The following PROM1 variants were observed in gnomAD, a reference collection of about 807,000 sequenced individuals.
The protein encoded by PROM1 is prominin-1.
Under a neutral mutation model 116.9 loss-of-function variants are expected in PROM1, and 105 were observed. The observed-to-expected ratio is 0.90, with a 90% CI of 0.77 to 1.06. The LOEUF is 1.06. PROM1 is among the 50% of genes least tolerant of loss of function. PROM1 has a pLI of 0.00. For missense variants in PROM1, 1,122 were observed against 1,045.2 expected, an observed-to-expected ratio of 1.07 and a Z score of -1.01; for synonymous variants, 393 against 387.0, an observed-to-expected ratio of 1.02 and a Z score of -0.18.
chr4:16,051,617 T>A (rs1204531995), intron 2 of PROM1, among the ~76,000 whole-genome samples: 1 of 152,192 alleles, frequency 6.6e-6, no homozygotes, highest in African/African-American at 2.4e-5. Flanking sequence ...TAAGGCCTCA[T>A]CAGGATGTGC....
chr4:16,078,100 C>T (rs1020173931), intron 1 of PROM1: 1 of 152,244 alleles, frequency 6.6e-6, no homozygotes, highest in African/African-American at 2.4e-5. Context: ...CTCTTACCTA[C>T]CCCTTGGGAG....
intron 13 of PROM1, among the ~76,000 whole-genome samples, chr4:16,003,529 A>G (rs1392542568): frequency 1.3e-5 from 2 of 152,180 alleles, no homozygotes; most frequent in African/African-American, 4.8e-5. Flanking sequence ...CTAAAATGGG[A>G]AGTTTTATGA....
At chr4:15,984,407 A>T (rs947056484) in intron 22 of PROM1, 52 bp from the exon 23 acceptor site, 1 of 1,324,890 alleles carries the variant, frequency 7.5e-7, no homozygotes, top group African/African-American at 1.5e-5. Flanking sequence ...CAAAAACCCA[A>T]AGGAATGAGA....
intron 1 of PROM1, chr4:16,083,675 G>T: frequency 6.5e-6 from 1 of 153,570 alleles, no homozygotes. Flanking sequence ...CGTGCACCCG[G>T]CTCCCGCTCC....
intron 23 of PROM1, among the ~76,000 whole-genome samples, chr4:15,981,991 C>T (rs1446182479): frequency 6.6e-6 from 1 of 152,218 alleles, no homozygotes; most frequent in Non-Finnish European, 1.5e-5. Flanking sequence ...GTCTACACCA[C>T]TCACATCTGC....
chr4:16,083,760 C>T (rs1745484979), intron 1 of PROM1: 2 of 152,236 alleles, frequency 1.3e-5, no homozygotes, highest in South Asian at 2.1e-4. Context: ...TTATTTATGA[C>T]CCGGCTTCTG....
rs1310536911 is a variant in PROM1 at position 16,018,462 on chromosome 4, C to A, written c.863G>T (p.Ser288Ile). Reference sequence around the variant, plus strand: ...AGTTTTCACGCTGGTCAGACTGCTGCTAAGCTGTGTACTTTGTTGGTGCAA... The same window carrying A: ...AGTTTTCACGCTGGTCAGACTGCTGATAAGCTGTGTACTTTGTTGGTGCAA... Reference protein sequence around the residue: ...KSLHQQSTQLSSSLTSVKTSL... With the variant: ...KSLHQQSTQLISSLTSVKTSL... Residue 288 changes from serine (S) to isoleucine (I), a missense_variant, in exon 9 of 28, where the codon AGC (serine) becomes ATC (isoleucine). Coordinates refer to ENST00000447510, the MANE Select transcript of PROM1 (RefSeq NM_006017.3). The A allele has an allele frequency of 6.2e-7, 1 of 1,613,570 alleles. No individual in the cohort carries two copies. Among genetic ancestry groups the A allele is most frequent in the African/African-American group, 1.3e-5 (1 of 75,038 alleles).
Position 16,035,768 on chromosome 4 carries a change from A to G in PROM1, c.277-7T>C. ...CTAAGATTACAGTTTCTGGCTGTAG[A>G]AGTCAACGCAGGTGAGGAATTTTGG... On this transcript the variant is annotated splice_polypyrimidine_tract_variant and splice_region_variant and intron_variant, in intron 3 of 27. Coordinates refer to ENST00000447510, the MANE Select transcript of PROM1 (RefSeq NM_006017.3). 6.2e-7 allele frequency: 1 copy of G among 1,613,404 alleles called. No individual in the cohort carries two copies. Among genetic ancestry groups the G allele is most frequent in the Non-Finnish European group, 8.5e-7 (1 of 1,179,452 alleles).
intron 9 of PROM1, among the ~76,000 whole-genome samples, chr4:16,018,082 A>C (rs891099877): frequency 1.3e-5 from 2 of 152,166 alleles, no homozygotes; most frequent in African/African-American, 4.8e-5. Context: ...AAGTTGAATT[A>C]ATTCTGATAT....
intron 5 of PROM1, among the ~76,000 whole-genome samples, chr4:16,027,506 A>C (rs1731628035): frequency 1.3e-5 from 2 of 152,174 alleles, no homozygotes; most frequent in African/African-American, 2.4e-5. Flanking sequence ...ACAAGAAGTC[A>C]AAGTGAACTT....
At chr4:15,997,520 C>T (rs1722643884) in intron 15 of PROM1, among the ~76,000 whole-genome samples, 1 of 151,898 alleles carries the variant, frequency 6.6e-6, no homozygotes, top group South Asian at 2.1e-4. Flanking sequence ...AGTGCAGTGG[C>T]ACGATCTTGG....
At chr4:16,043,535 G>A (rs1054993957) in intron 2 of PROM1, among the ~76,000 whole-genome samples, 5 of 152,194 alleles carry the variant, frequency 3.3e-5, no homozygotes, top group African/African-American at 7.2e-5. Flanking sequence ...TGGAAAGGAC[G>A]TTGGTCTGGA....
intron 5 of PROM1, among the ~76,000 whole-genome samples, chr4:16,027,010 G>GT: frequency 6.6e-6 from 1 of 152,276 alleles, no homozygotes; most frequent in East Asian, 1.9e-4. Flanking sequence ...ATTAGATCCA[G>GT]TCTAACTTAG....
chr4:16,070,626 A>T (rs1316024447), intron 2 of PROM1, among the ~76,000 whole-genome samples: 1 of 152,240 alleles, frequency 6.6e-6, no homozygotes, highest in Non-Finnish European at 1.5e-5. Flanking sequence ...CTTACAGCAG[A>T]TACTGAGAAC....
chr4:15,985,267 G>C (rs1364078067), intron 22 of PROM1, among the ~76,000 whole-genome samples: 1 of 152,136 alleles, frequency 6.6e-6, no homozygotes, highest in Non-Finnish European at 1.5e-5. Context: ...TTTTATATAA[G>C]GGACTTGAGC....
intron 2 of PROM1, among the ~76,000 whole-genome samples, chr4:16,072,103 G>A (rs1742947525): frequency 6.6e-6 from 1 of 152,124 alleles, no homozygotes; most frequent in African/African-American, 2.4e-5. Context: ...ACACAGGGGT[G>A]GTTACCTGTG....
At chr4:16,033,545 G>C in intron 4 of PROM1, 36 bp from the exon 5 acceptor site, 1 of 1,072,878 alleles carries the variant, frequency 9.3e-7, no homozygotes, top group Non-Finnish European at 1.3e-6. Flanking sequence ...ACATATTGTA[G>C]CACAAAATAA....
At chr4:16,001,681 C>T (rs948318462) in intron 13 of PROM1, among the ~76,000 whole-genome samples, 9 of 152,118 alleles carry the variant, frequency 5.9e-5, no homozygotes, top group Non-Finnish European at 1.3e-4. Flanking sequence ...GAAACAAGTG[C>T]AGTCATGGGG....
intron 13 of PROM1, among the ~76,000 whole-genome samples, chr4:16,000,827 G>A (rs1723621720): frequency 6.6e-6 from 1 of 151,874 alleles, no homozygotes; most frequent in Admixed American, 6.5e-5. Context: ...CTGGATGGGG[G>A]CCTGGGGACC....
Sources: gnomAD v4.1 joint callset for allele counts (sites outside exome capture counted in the v4.1 genomes callset) on GRCh38, gnomAD v4.1.1 for gene constraint, MANE v1.5 for transcripts, NCBI Gene and HGNC (gene_info 2026-07-23, HGNC 2026-07-21) for gene names.